Variants in SNTB2 observed in about 807,000 individuals in gnomAD.
SNTB2 encodes beta-2-syntrophin.
In SNTB2, 34 loss-of-function variants were observed where a neutral mutation model predicts 46.2. The ratio of observed to expected loss-of-function variants is 0.74; its 90% CI spans 0.56 to 0.98. The LOEUF (loss-of-function observed/expected upper bound fraction) is 0.98, where lower values mean the gene tolerates loss of function less well. Ranked by LOEUF, SNTB2 falls within the 50% of genes least tolerant of loss-of-function variation. The pLI, the probability that SNTB2 is intolerant of heterozygous loss-of-function variation, is 0.00. For synonymous variants in SNTB2, 290 were observed against 312.6 expected, an observed-to-expected ratio of 0.93 and a Z score of 0.76; for missense variants, 603 against 731.4, an observed-to-expected ratio of 0.82 and a Z score of 2.02.
At chr16:69,220,615 A>T (rs1202817582) in intron 1 of SNTB2, among the ~76,000 whole-genome samples, 1 of 150,686 alleles carries the variant, frequency 6.6e-6, no homozygotes, top group African/African-American at 2.4e-5. Context: ...GCAGCCTTGA[A>T]CTCCTGGGCT....
intron 1 of SNTB2, among the ~76,000 whole-genome samples, chr16:69,226,832 T>G (rs957771617): frequency 1.3e-5 from 2 of 152,234 alleles, no homozygotes; most frequent in Non-Finnish European, 1.5e-5. Flanking sequence ...TGCATGGCCC[T>G]AAGGTTATGT....
intron 2 of SNTB2, among the ~76,000 whole-genome samples, chr16:69,247,138 C>T (rs985546202): frequency 1.3e-4 from 20 of 150,752 alleles, no homozygotes; most frequent in African/African-American, 4.9e-4. Flanking sequence ...ATTCCTTATA[C>T]TGTAGGTAGT....
At chr16:69,254,639 A>G (rs1003959347) in intron 2 of SNTB2, among the ~76,000 whole-genome samples, 4 of 152,342 alleles carry the variant, frequency 2.6e-5, no homozygotes, top group African/African-American at 7.2e-5. Context: ...CACATTGGGA[A>G]GAAATCTTTA....
intron 2 of SNTB2, among the ~76,000 whole-genome samples, chr16:69,256,418 C>T (rs1391948257): frequency 6.6e-6 from 1 of 152,074 alleles, no homozygotes; most frequent in African/African-American, 2.4e-5. Flanking sequence ...TATTTTTGTA[C>T]AACCAATGTC....
chr16:69,269,866 A>C (rs1252218912), intron 3 of SNTB2, among the ~76,000 whole-genome samples: 3 of 152,240 alleles, frequency 2.0e-5, no homozygotes, highest in Non-Finnish European at 4.4e-5. Flanking sequence ...TCTCAAAAAA[A>C]GAAAAAACAG....
intron 4 of SNTB2, among the ~76,000 whole-genome samples, chr16:69,281,102 C>CT (rs1965038834): frequency 1.3e-5 from 2 of 152,128 alleles, no homozygotes; most frequent in Non-Finnish European, 2.9e-5. Context: ...GCCTCATTCT[C>CT]TTAACAGTAT....
chr16:69,255,442 C>T lies in SNTB2; in HGVS notation c.795-4608C>T, dbSNP rs1439473167. 2.6e-5 allele frequency among the ~76,000 whole-genome samples: 4 copies of T among 151,736 alleles called. No homozygotes were observed. In the East Asian group the frequency reaches 7.7e-4, roughly 29 times the overall value. ...CTGGCATGGTGGTGGTGCCTGTAGT[C>T]ACAACTACTCGAGAGGCTGAGGCAA... On this transcript the variant is annotated intron_variant, in intron 2 of 6. Coordinates refer to ENST00000336278, the MANE Select transcript of SNTB2 (RefSeq NM_006750.4).
At chr16:69,284,431 G>A (rs1409565464) in intron 5 of SNTB2, among the ~76,000 whole-genome samples, 187 bp downstream of exon 5, 1 of 135,374 alleles carries the variant, frequency 7.4e-6, no homozygotes, top group Non-Finnish European at 1.5e-5. Context: ...AATGCAGCCT[G>A]GGCAACATGG....
At chr16:69,229,437 T>C (rs1964485939) in intron 1 of SNTB2, among the ~76,000 whole-genome samples, 1 of 151,400 alleles carries the variant, frequency 6.6e-6, no homozygotes, top group African/African-American at 2.4e-5. Context: ...CCCAAAGTGC[T>C]GGGATTACAG....
chr16:69,244,405 G>T (rs1964649374), intron 1 of SNTB2, among the ~76,000 whole-genome samples: 1 of 152,222 alleles, frequency 6.6e-6, no homozygotes, highest in African/African-American at 2.4e-5. Flanking sequence ...TAGGAATGGA[G>T]ACAGGGTAGC....
chr16:69,280,579 G>A (rs537580645), intron 4 of SNTB2, among the ~76,000 whole-genome samples: 156 of 149,192 alleles, frequency 1.0e-3, no homozygotes, highest in African/African-American at 3.4e-3. Context: ...GCGGCTGGCC[G>A]GGCGGGGGGC....
chr16:69,223,964 C>G (rs1779775868), intron 1 of SNTB2, among the ~76,000 whole-genome samples: 1 of 152,030 alleles, frequency 6.6e-6, no homozygotes, highest in Admixed American at 6.6e-5. Flanking sequence ...CTTTTATGAC[C>G]TTGACACTTT....
chr16:69,295,147 C>A (rs1386892801), intron 5 of SNTB2, among the ~76,000 whole-genome samples: 1 of 149,352 alleles, frequency 6.7e-6, no homozygotes, highest in African/African-American at 2.5e-5. Context: ...ACCCCTTTAA[C>A]TTCAGTACTT....
intron 4 of SNTB2, among the ~76,000 whole-genome samples, chr16:69,278,178 G>A (rs1015075738): frequency 3.3e-5 from 5 of 152,106 alleles, no homozygotes; most frequent in African/African-American, 9.7e-5. Flanking sequence ...TGAGCTGGGC[G>A]TGGTGGCGCA....
At chr16:69,243,254 T>A (rs547711256) in intron 1 of SNTB2, among the ~76,000 whole-genome samples, 3 of 152,264 alleles carry the variant, frequency 2.0e-5, no homozygotes, top group South Asian at 4.1e-4. Flanking sequence ...GTGTCCAGGT[T>A]AAGGCCTTAA....
intron 1 of SNTB2, among the ~76,000 whole-genome samples, chr16:69,211,331 TA>T (rs1964284230): frequency 1.3e-5 from 2 of 151,986 alleles, no homozygotes; most frequent in African/African-American, 4.8e-5. Context: ...ATTTCAAATG[TA>T]AATATCCTAA....
At chr16:69,291,660 G>A (rs905630177) in intron 5 of SNTB2, among the ~76,000 whole-genome samples, 1 of 152,078 alleles carries the variant, frequency 6.6e-6, no homozygotes, top group Admixed American at 6.6e-5. Flanking sequence ...GGTGAACTGT[G>A]ATCACACCAC....
At chr16:69,283,662 C>G (rs1235446492) in intron 4 of SNTB2, among the ~76,000 whole-genome samples, 1 of 152,110 alleles carries the variant, frequency 6.6e-6, no homozygotes, top group African/African-American at 2.4e-5. Context: ...ATTTCCTAAT[C>G]AAAATCATAT....
At chr16:69,287,943 A>G (rs1374945689) in intron 5 of SNTB2, among the ~76,000 whole-genome samples, 1 of 151,808 alleles carries the variant, frequency 6.6e-6, no homozygotes, top group Non-Finnish European at 1.5e-5. Context: ...TGGGAGGCTG[A>G]GGTGGGCGGA....
Sources: allele counts gnomAD v4.1 joint callset (sites outside exome capture counted in the v4.1 genomes callset), GRCh38; gene constraint gnomAD v4.1.1; transcripts MANE v1.5; gene names NCBI Gene and HGNC (gene_info 2026-07-23, HGNC 2026-07-21).